Variants in TASOR2 observed in about 807,000 individuals in gnomAD.
The protein encoded by TASOR2 is protein TASOR 2.
In TASOR2, 84 loss-of-function variants were observed where a neutral mutation model predicts 199.5. The observed-to-expected ratio is 0.42, with a 90% CI of 0.35 to 0.50. TASOR2 has a LOEUF of 0.50. TASOR2 is among the 20% of genes least tolerant of loss of function. The pLI is 0.02. For missense variants in TASOR2, 2,796 were observed against 2,835.9 expected (o/e 0.99, Z 0.32); for synonymous variants, 1,103 against 1,046.6 (o/e 1.05, Z -1.04).
chr10:5,724,347 G>A, intron 7 of TASOR2, 83 bp from the exon 9 acceptor site: 3 of 569,460 alleles, frequency 5.3e-6, no homozygotes, highest in Non-Finnish European at 8.8e-6. Flanking sequence ...TTTCATTTTT[G>A]CAACATATAA....
chr10:5,748,891 T>G lies in TASOR2; in HGVS notation c.5470T>G (p.Tyr1824Asp). The change falls in exon 15 of 21, where the codon TAT (tyrosine) becomes GAT (aspartate). Residue 1824 changes from tyrosine to aspartate, a missense_variant. Transcript: ENST00000328090. The surrounding 1 kb of genome is among the most constrained non-coding windows in gnomAD (Gnocchi z 5.1). Reference sequence around the variant, plus strand: ...GGTCGGTGTGAATTCCGACATGCACTATGAACTCTCTGGAGATTCTGATCT... The same window carrying G: ...GGTCGGTGTGAATTCCGACATGCACGATGAACTCTCTGGAGATTCTGATCT... The G allele has an allele frequency of 6.2e-7, 1 of 1,614,200 alleles. No homozygotes were observed. Among genetic ancestry groups the G allele is most frequent in the East Asian group, 2.2e-5 (1 of 44,880 alleles).
rs1426900877 is a variant in TASOR2 at position 5,720,873 on chromosome 10, C to A, written c.49C>A (p.Leu17Ile). The stretch of plus-strand genomic sequence containing the variant: ...CTTTTTTACCTTCATTTCTTCAGTT[C>A]TCATGTCTCCATGGAAAGGGAAATT... Residue 17 changes from leucine (L) to isoleucine (I), a missense_variant and splice_region_variant, in exon 6 of 21, where the codon CTC becomes ATC. Physicochemically the swap from Leu to Ile is conservative, Grantham distance 5. Coordinates refer to ENST00000328090, the Ensembl canonical transcript of TASOR2. The surrounding 1 kb of genome is among the most constrained non-coding windows in gnomAD (Gnocchi z 5.3). 2 of 1,608,454 alleles carry A rather than the reference C, an allele frequency of 1.2e-6. No individual in the cohort carries two copies.
intron 18 of TASOR2, chr10:5,760,822 A>C (rs1032004510): frequency 3.3e-5 from 5 of 152,650 alleles, no homozygotes; most frequent in African/African-American, 1.2e-4. Flanking sequence ...GAGCAGAGAC[A>C]GAAATGCTAA....
intron 11 of TASOR2, among the ~76,000 whole-genome samples, chr10:5,734,716 A>ATTTT (rs140600979): frequency 1.1e-4 from 6 of 54,196 alleles, no homozygotes; most frequent in African/African-American, 3.3e-4. Context: ...GGTTATGAAG[A>ATTTT]TTTTTTTTTT....
chr10:5,762,677 G>C, intron 20 of TASOR2, 31 bp downstream of exon 21: 2 of 1,010,898 alleles, frequency 2.0e-6, no homozygotes, highest in South Asian at 1.4e-5. Context: ...ACTTTCCCAT[G>C]TGAGTTGGAG....
In TASOR2 at chr10:5,699,702, T is replaced by C. The variant is rs1180992038; in HGVS notation, c.-287-13121T>C. The C allele has an allele frequency of 5.2e-6, 3 of 580,866 alleles. No homozygotes were observed. The highest frequency in any genetic ancestry group is 6.4e-5 in the Admixed American group (1 of 15,732). The allele number at this position is 580,866 out of a possible 1,614,324, so 36.0% of individuals were successfully genotyped here. A position where few individuals can be genotyped will look rare whatever the true frequency, so the allele number is the denominator to read the frequency against. On this transcript the variant is annotated intron_variant, in intron 1 of 20. Transcript: ENST00000328090. This position sits in a 1 kb window ranked among gnomAD's most constrained non-coding sequence, Gnocchi z 4.1. ...AGTACACAAGGGAGACTAGACACCA[T>C]GGCAAAGATCATAAAAGTAGAAATG...
chr10:5,691,777 T>A (rs1836450451), intron 1 of TASOR2, among the ~76,000 whole-genome samples: 2 of 152,218 alleles, frequency 1.3e-5, no homozygotes, highest in South Asian at 4.1e-4. Flanking sequence ...TCCGTTTGAT[T>A]AAATTTTTCG....
rs1485037850 is a variant in TASOR2, at chr10:5,742,740, C to A, written c.2757+214C>A. On this transcript the variant is annotated intron_variant, in intron 14 of 20. Coordinates refer to ENST00000328090, the Ensembl canonical transcript of TASOR2. This position sits in a 1 kb window ranked among gnomAD's most constrained non-coding sequence, Gnocchi z 4.2. Reference sequence around the variant, plus strand: ...TACCTGCCATCCCGATTGAAAAAAACCAGAGTAGAAAAATGTCACAGGGTC... The same window carrying A: ...TACCTGCCATCCCGATTGAAAAAAAACAGAGTAGAAAAATGTCACAGGGTC... Among the ~76,000 whole-genome samples, 2 of 152,064 alleles carry A rather than the reference C, an allele frequency of 1.3e-5. No homozygotes were observed. Among genetic ancestry groups the A allele is most frequent in the Non-Finnish European group, 1.5e-5 (1 of 68,008 alleles).
At chr10:5,735,478 C>T in exon 12 of TASOR2, 1 of 1,614,068 alleles carries the variant, frequency 6.2e-7, no homozygotes, top group Non-Finnish European at 8.5e-7. Context: ...AAGAAATCTC[C>T]ACAAAAACAG....
intron 19 of TASOR2, 24 bp from the exon 21 acceptor site, chr10:5,762,508 G>GTGTT: frequency 2.1e-6 from 1 of 486,718 alleles, no homozygotes; most frequent in Non-Finnish European, 3.2e-6. Flanking sequence ...TTAACCAAAA[G>GTGTT]TTGTTTTTTT....
At chr10:5,731,233 A>G (rs748297847) in intron 11 of TASOR2, 30 bp downstream of exon 12, 14 of 1,580,356 alleles carry the variant, frequency 8.9e-6, no homozygotes, top group African/African-American at 6.7e-5. Context: ...GTGGGTTATT[A>G]TAATAATAGT....
chr10:5,712,923 G>A lies in TASOR2; in HGVS notation c.-192+5G>A, dbSNP rs1162345353. 8.2e-7 allele frequency: 1 copy of A among 1,213,734 alleles called. No individual in the cohort carries two copies. Among genetic ancestry groups the A allele is most frequent in the Non-Finnish European group, 1.0e-6 (1 of 971,432 alleles). The allele number at this position is 1,213,734 out of a possible 1,614,324, so 75.2% of individuals were successfully genotyped here. A position where few individuals can be genotyped will look rare whatever the true frequency, so the allele number is the denominator to read the frequency against. On this transcript the variant is annotated splice_donor_5th_base_variant and intron_variant, in intron 2 of 20. Coordinates refer to ENST00000328090, the Ensembl canonical transcript of TASOR2. ...CTGTTTGATACTGAAAAGCAGGTAA[G>A]GGAATTAGGTTGTAGAAAATTAATG...
chr10:5,726,793 T>C, intron 8 of TASOR2, 92 bp from the exon 10 acceptor site: 1 of 1,163,622 alleles, frequency 8.6e-7, no homozygotes. Flanking sequence ...TTTTCTTTTC[T>C]TGAGGTCAAT....
At chr10:5,724,244 T>A (rs1833744451) in intron 7 of TASOR2, among the ~76,000 whole-genome samples, 186 bp from the exon 9 acceptor site, 1 of 152,212 alleles carries the variant, frequency 6.6e-6, no homozygotes, top group Non-Finnish European at 1.5e-5. Flanking sequence ...ATAAGAGCAT[T>A]GTTTTAAAAT....
chr10:5,757,502 C>T lies in TASOR2; in HGVS notation c.6733-18C>T. ...CCAGTGAGCCTCTCTTCACCGGGGT[C>T]CTTTTTGTGTCATGCAGATTCCTTC... On this transcript the variant is annotated intron_variant, in intron 16 of 20. Coordinates refer to ENST00000328090, the Ensembl canonical transcript of TASOR2. 1 of 1,583,282 alleles carries T rather than the reference C, an allele frequency of 6.3e-7. No individual in the cohort carries two copies.
chr10:5,762,446 ATTT>A, intron 19 of TASOR2, 83 bp from the exon 21 acceptor site: 1 of 381,542 alleles, frequency 2.6e-6, no homozygotes, highest in Non-Finnish European at 4.6e-6. Context: ...AGTTCCACAG[ATTT>A]TTTAAAATAA....
At chr10:5,707,129 A>G (rs1410626030) in intron 1 of TASOR2, among the ~76,000 whole-genome samples, 1 of 152,196 alleles carries the variant, frequency 6.6e-6, no homozygotes, top group Non-Finnish European at 1.5e-5. Flanking sequence ...GGAATTTGCT[A>G]AGTTATCTGA....
chr10:5,761,910 AG>A (rs1230453199), intron 19 of TASOR2: 1 of 152,872 alleles, frequency 6.5e-6, no homozygotes, highest in Admixed American at 6.5e-5. Context: ...GGTTCATGCC[AG>A]TAGTCCCAGC....
At chr10:5,732,897 G>A (rs1002619922) in intron 11 of TASOR2, among the ~76,000 whole-genome samples, 1 of 152,148 alleles carries the variant, frequency 6.6e-6, no homozygotes, top group Admixed American at 6.5e-5. Flanking sequence ...CTTGAGGAAC[G>A]GGGTGGAGAT....
Sources: allele counts gnomAD v4.1 joint callset (sites outside exome capture counted in the v4.1 genomes callset), GRCh38; gene constraint gnomAD v4.1.1; non-coding constraint Gnocchi (gnomAD v3.1); transcripts MANE v1.5; gene names NCBI Gene and HGNC (gene_info 2026-07-23, HGNC 2026-07-21).